CBL: variants seen among roughly 807,000 people sequenced by gnomAD.
The protein encoded by CBL is E3 ubiquitin-protein ligase CBL.
Under a neutral mutation model 96.9 loss-of-function variants are expected in CBL, and 45 were observed. The ratio of observed to expected loss-of-function variants is 0.46; its 90% CI spans 0.37 to 0.60. The LOEUF is 0.60. CBL is among the 20% of genes least tolerant of loss of function. The pLI is 0.00. For synonymous variants in CBL, 420 were observed against 426.8 expected (o/e 0.98, Z 0.20); for missense variants, 1,024 against 1,143.5 (o/e 0.90, Z 1.51).
chr11:119,239,061 C>T (rs1355677627), intron 2 of CBL, among the ~76,000 whole-genome samples: 4 of 152,140 alleles, frequency 2.6e-5, no homozygotes, highest in African/African-American at 9.7e-5. Flanking sequence ...CCTTCACCTC[C>T]CAAGCTCAGG....
chr11:119,260,959 T>TA (rs1949749754), intron 2 of CBL, among the ~76,000 whole-genome samples: 2 of 149,024 alleles, frequency 1.3e-5, no homozygotes, highest in African/African-American at 2.5e-5. Context: ...TTTTTTTTTT[T>TA]AATGGAGGCA....
chr11:119,270,416 T>TATATATATATATA (rs1949835147), intron 2 of CBL, among the ~76,000 whole-genome samples: 2 of 74,364 alleles, frequency 2.7e-5, no homozygotes, highest in African/African-American at 1.2e-4. Flanking sequence ...CAGCTAATTT[T>TATATATATATATA]TATATATATA....
At chr11:119,207,134 A>C (rs776263781) in intron 1 of CBL, among the ~76,000 whole-genome samples, 1 of 152,054 alleles carries the variant, frequency 6.6e-6, no homozygotes, top group Admixed American at 6.6e-5. Flanking sequence ...GCTCTGGGTG[A>C]GAGTATAGTC....
chr11:119,215,250 A>G (rs985017448), intron 1 of CBL, among the ~76,000 whole-genome samples: 3 of 152,140 alleles, frequency 2.0e-5, no homozygotes, highest in African/African-American at 7.2e-5. Flanking sequence ...CCAGCAGTAT[A>G]CATATAATGA....
chr11:119,298,674 A>G, intron 15 of CBL, 134 bp downstream of exon 15: 3 of 821,780 alleles, frequency 3.7e-6, no homozygotes, highest in Non-Finnish European at 4.2e-6. Context: ...ATGGGAGGAA[A>G]GTCCCAAGTT....
At chr11:119,263,372 T>TA in intron 2 of CBL, among the ~76,000 whole-genome samples, 1 of 152,286 alleles carries the variant, frequency 6.6e-6, no homozygotes, top group East Asian at 1.9e-4. Context: ...TTGATAGAAA[T>TA]ATGAGGGGAG....
intron 1 of CBL, 138 bp from the exon 2 acceptor site, chr11:119,232,310 A>C (rs1949509155): frequency 1.1e-6 from 1 of 920,030 alleles, no homozygotes; most frequent in South Asian, 1.5e-5. Flanking sequence ...CAATGGGGTT[A>C]TGGATCTGCT....
In CBL at chr11:119,274,003, C is replaced by T. The variant is rs886152926; in HGVS notation, c.726C>T (p.Asp242=). ...ATTATATTTCGGTTTTTGAATTTGACATCTTTACCCGACTCTTTCAGGTAG... is the reference window on the plus strand; with the variant it reads ...ATTATATTTCGGTTTTTGAATTTGATATCTTTACCCGACTCTTTCAGGTAG... ...CNDYISVFEF[D]IFTRLFQPWS... The change falls in exon 4 of 16, where the codon GAC becomes GAT. Residue 242 remains aspartate (D), a synonymous_variant. Transcript: ENST00000264033. 6.2e-7 allele frequency: 1 copy of T among 1,611,806 alleles called. No homozygotes were observed. The highest frequency in any genetic ancestry group is 1.3e-5 in the African/African-American group (1 of 74,876).
At position 119,300,362 on chromosome 11, in the gene CBL, TTCTATTTTTAGA is replaced by T; in HGVS notation, c.*582_*593del. On this transcript the variant is annotated 3_prime_UTR_variant, in exon 16 of 16. Transcript: ENST00000264033. ...TATTACCATGTGCATAGCTAAAGTC[TTCTATTTTTAGA>T]ACACCTTCTGTCTGTTCTTTCCCCA... The T allele has an allele frequency of 2.5e-6, 1 of 407,528 alleles. No homozygotes were observed. Among genetic ancestry groups the T allele is most frequent in the Admixed American group, 4.0e-5 (1 of 24,838 alleles). The allele number at this position is 407,528 out of a possible 1,614,324, so 25.2% of individuals were successfully genotyped here. A position where few individuals can be genotyped will look rare whatever the true frequency, so the allele number is the denominator to read the frequency against.
intron 12 of CBL, among the ~76,000 whole-genome samples, chr11:119,289,041 C>T (rs751442443): frequency 3.9e-5 from 6 of 152,002 alleles, no homozygotes; most frequent in Non-Finnish European, 7.4e-5. Flanking sequence ...TCTAGTTATC[C>T]TTCTGTTACT....
intron 2 of CBL, among the ~76,000 whole-genome samples, chr11:119,239,136 ATT>A (rs1345489065): frequency 6.6e-6 from 1 of 151,800 alleles, no homozygotes; most frequent in Non-Finnish European, 1.5e-5. Context: ...TGCCTGGCTA[ATT>A]TTTGTATTTT....
In CBL at chr11:119,285,403, G is replaced by A. The variant is rs730880435; in HGVS notation, c.1778G>A (p.Arg593Gln). Reference sequence around the variant, plus strand: ...CGCCTTGGAGACTCATGGCTGCCCCGGCCAATCCCCAAAGTACCAGTATCT... The same window carrying A: ...CGCCTTGGAGACTCATGGCTGCCCCAGCCAATCCCCAAAGTACCAGTATCT... ...SSRLGDSWLP[R>Q]PIPKVPVSAP... The change falls in exon 11 of 16, where the codon CGG becomes CAG. Residue 593 changes from arginine to glutamine, a missense_variant. By Grantham distance (43) the Arg-to-Gln change is conservative. This residue lies in a region of CBL where 695 missense variants were observed against 661.6 expected (regional missense o/e 1.05). Coordinates refer to ENST00000264033, the MANE Select transcript of CBL (RefSeq NM_005188.4). The A allele has an allele frequency of 3.1e-6, 5 of 1,614,032 alleles. No individual in the cohort carries two copies. The highest frequency in any genetic ancestry group is 1.1e-5 in the South Asian group (1 of 91,068).
intron 1 of CBL, among the ~76,000 whole-genome samples, chr11:119,213,939 T>C (rs1271794047): frequency 2.6e-5 from 4 of 151,064 alleles, no homozygotes; most frequent in African/African-American, 9.8e-5. Context: ...GCATTCATCT[T>C]TTCTTTTCTT....
Position 119,225,908 on chromosome 11 carries a change from T to C in CBL, c.196-6540T>C, listed in dbSNP as rs528148181. On this transcript the variant is annotated intron_variant, in intron 1 of 15. Transcript: ENST00000264033. ...ACGCTTGGCTAATTTTTTGTGTTTT[T>C]AGTAGAGACGGGGTTTCACCATGTC... Among the ~76,000 whole-genome samples, 3 of 152,172 alleles carry C rather than the reference T, an allele frequency of 2.0e-5. No individual in the cohort carries two copies. The South Asian group carries it at 6.2e-4, about 32-fold the overall frequency.
intron 1 of CBL, among the ~76,000 whole-genome samples, chr11:119,229,315 G>T (rs901160515): frequency 6.6e-6 from 1 of 152,252 alleles, no homozygotes; most frequent in South Asian, 2.1e-4. Context: ...TATCTTCCGA[G>T]GTGGAGTCTT....
chr11:119,300,447 T>C lies in CBL; in HGVS notation c.*666T>C. 1 of 403,040 alleles carries C rather than the reference T, an allele frequency of 2.5e-6. No individual in the cohort carries two copies. Among genetic ancestry groups the C allele is most frequent in the Non-Finnish European group, 4.4e-6 (1 of 228,452 alleles). 25.0% of individuals were successfully genotyped at this position (403,040 alleles called of 1,614,324 possible). The stretch of plus-strand genomic sequence containing the variant: ...TGGTGTTCTGTCATGGGCCATGGGC[T>C]TGCTATGGCCAGCCTTACTGAGGCC... On this transcript the variant is annotated 3_prime_UTR_variant, in exon 16 of 16. Transcript: ENST00000264033.
At chr11:119,256,795 A>G (rs1311846876) in intron 2 of CBL, among the ~76,000 whole-genome samples, 3 of 151,302 alleles carry the variant, frequency 2.0e-5, no homozygotes, top group African/African-American at 4.9e-5. Context: ...CTTAGCTCCT[A>G]CTTATAAATG....
chr11:119,209,114 T>G (rs988948857), intron 1 of CBL, among the ~76,000 whole-genome samples: 5 of 152,228 alleles, frequency 3.3e-5, no homozygotes, highest in African/African-American at 1.2e-4. Context: ...TTTATACTGC[T>G]TTCCAGATTT....
At chr11:119,239,833 T>C (rs1949571879) in intron 2 of CBL, among the ~76,000 whole-genome samples, 1 of 152,142 alleles carries the variant, frequency 6.6e-6, no homozygotes, top group African/African-American at 2.4e-5. Context: ...AGAGACCTTT[T>C]ATGTTTCATT....
Sources: gnomAD v4.1 joint callset for allele counts (sites outside exome capture counted in the v4.1 genomes callset) on GRCh38, gnomAD v4.1.1 for gene constraint, gnomAD v4.1.1 regional missense constraint, MANE v1.5 for transcripts, NCBI Gene and HGNC (gene_info 2026-07-23, HGNC 2026-07-21) for gene names.